Variants in ALDH5A1 observed in about 807,000 individuals in gnomAD.
ALDH5A1 encodes the protein succinate-semialdehyde dehydrogenase, mitochondrial.
Under a neutral mutation model 54.7 loss-of-function variants are expected in ALDH5A1, and 33 were observed. The ratio of observed to expected loss-of-function variants is 0.60; its 90% CI spans 0.46 to 0.81. The LOEUF is 0.81. Ranked by LOEUF, ALDH5A1 falls within the 30% of genes least tolerant of loss-of-function variation. The pLI, the probability that ALDH5A1 is intolerant of heterozygous loss-of-function variation, is 0.00. For missense variants in ALDH5A1, 657 were observed against 711.0 expected (o/e 0.92, Z 0.86); for synonymous variants, 294 against 292.7 (o/e 1.00, Z -0.05).
chr6:24,502,054 T>C (rs1026333986), intron 1 of ALDH5A1, among the ~76,000 whole-genome samples: 19 of 152,154 alleles, frequency 1.2e-4, no homozygotes, highest in African/African-American at 4.6e-4. Context: ...AGTCCCACCC[T>C]CTGCTGTCTG....
In ALDH5A1 at chr6:24,532,193, T is replaced by C. The variant is rs375703411; in HGVS notation, c.1402+16T>C. ...GGGTTAGCAGGTAGGTGTTTGTCCTTGTTCAATACCAGTCATAATCATTTT... is the reference window on the plus strand; with the variant it reads ...GGGTTAGCAGGTAGGTGTTTGTCCTCGTTCAATACCAGTCATAATCATTTT... On this transcript the variant is annotated intron_variant, in intron 9 of 9. Transcript: ENST00000357578. The C allele has an allele frequency of 1.9e-6, 3 of 1,612,410 alleles. No homozygotes were observed. Among genetic ancestry groups the C allele is most frequent in the Non-Finnish European group, 2.5e-6 (3 of 1,178,482 alleles).
intron 8 of ALDH5A1, among the ~76,000 whole-genome samples, chr6:24,531,541 C>G (rs867010921): frequency 2.6e-5 from 4 of 152,160 alleles, no homozygotes; most frequent in African/African-American, 9.7e-5. Flanking sequence ...ACTTTTTGCC[C>G]CAGTTACAAT....
intron 1 of ALDH5A1, among the ~76,000 whole-genome samples, chr6:24,499,252 A>C (rs1009174467): frequency 2.6e-5 from 4 of 152,068 alleles, no homozygotes; most frequent in Non-Finnish European, 5.9e-5. Flanking sequence ...AGATGGCGCC[A>C]CTGTACTCCA....
chr6:24,499,177 A>T (rs1454179578), intron 1 of ALDH5A1, among the ~76,000 whole-genome samples: 3 of 151,672 alleles, frequency 2.0e-5, no homozygotes, highest in Non-Finnish European at 4.4e-5. Flanking sequence ...AATCCCAGCT[A>T]CTCAAGAGGC....
chr6:24,495,138 G>T lies in ALDH5A1; in HGVS notation c.142G>T (p.Ala48Ser), dbSNP rs1188474690. The stretch of plus-strand genomic sequence containing the variant: ...CGGCCCGGCCCAGCTCCGCTGCTAC[G>T]CTGGGCGCCTGGCGGGCCTCTCTGC... Reference protein sequence around the residue: ...APGPAQLRCYAGRLAGLSAAL... With the variant: ...APGPAQLRCYSGRLAGLSAAL... Residue 48 changes from alanine (A) to serine (S), a missense_variant, in exon 1 of 10, where the codon GCT becomes TCT. Ala to Ser is a moderately conservative substitution (Grantham distance 99, BLOSUM62 1). This residue lies in a region of ALDH5A1 where 232 missense variants were observed against 194.6 expected (regional missense o/e 1.19). Coordinates refer to ENST00000357578, the MANE Select transcript of ALDH5A1 (RefSeq NM_001080.3). 5.7e-6 allele frequency: 8 copies of T among 1,411,398 alleles called. No homozygotes were observed. Among genetic ancestry groups the T allele is most frequent in the African/African-American group, 1.5e-5 (1 of 66,282 alleles). 87.4% of individuals were successfully genotyped at this position (1,411,398 alleles called of 1,614,324 possible).
chr6:24,522,689 C>T (rs1271472994), intron 6 of ALDH5A1, 78 bp from the exon 7 acceptor site: 9 of 1,534,698 alleles, frequency 5.9e-6, no homozygotes, highest in East Asian at 2.3e-5. Context: ...CACAGAGAGG[C>T]GGTAGCAGCC....
chr6:24,503,573 T>C (rs1759254570), intron 3 of ALDH5A1, 140 bp downstream of exon 3: 1 of 994,700 alleles, frequency 1.0e-6, no homozygotes, highest in African/African-American at 1.6e-5. Flanking sequence ...TTTTGCTGGA[T>C]GTGGAAGTGT....
rs1561876724 is a variant in ALDH5A1 at position 24,522,787 on chromosome 6, A to AT, written c.1037dup (p.Val348GlyfsTer7). On this transcript the variant is annotated frameshift_variant, in exon 7 of 10. Transcript: ENST00000357578. LOFTEE classifies it high-confidence loss of function. ...TCCAGACTTGTGTTTGCTCAAACCA[A>AT]TTCTTGGTGCAAAGGGGCATCCATG... 6.2e-7 allele frequency: 1 copy of AT among 1,614,010 alleles called. No homozygotes were observed. The highest frequency in any genetic ancestry group is 8.5e-7 in the Non-Finnish European group (1 of 1,179,972).
chr6:24,497,547 A>G (rs1251756011), intron 1 of ALDH5A1, among the ~76,000 whole-genome samples: 2 of 152,106 alleles, frequency 1.3e-5, no homozygotes, highest in Non-Finnish European at 2.9e-5. Context: ...TGGTTGGTGC[A>G]TTTTACAATC....
Position 24,506,651 on chromosome 6 carries a change from T to G in ALDH5A1, c.726+1666T>G, listed in dbSNP as rs556523062. 8.5e-5 allele frequency among the ~76,000 whole-genome samples: 13 copies of G among 152,330 alleles called. No homozygotes were observed. In the South Asian group the frequency reaches 2.5e-3, roughly 29 times the overall value. On this transcript the variant is annotated intron_variant, in intron 4 of 9. Coordinates refer to ENST00000357578, the MANE Select transcript of ALDH5A1 (RefSeq NM_001080.3). ...TTCTGAATATCAATTTTATTTGTTT[T>G]AAATATTAATTTTAATATCACCAAT... is the stretch of plus-strand genomic sequence containing the variant.
rs1220179788 is a variant in ALDH5A1 at position 24,522,885 on chromosome 6, C to A, written c.1133C>A (p.Thr378Asn). The change falls in exon 7 of 10, where the codon ACT becomes AAT. Residue 378 changes from threonine (T) to asparagine (N), a missense_variant. Thr to Asn is a moderately conservative substitution (Grantham distance 65). Transcript: ENST00000357578. The part of the protein sequence containing the change: ...LRVGNGFEEG[T>N]TQGPLINEKA... Reference sequence around the variant, plus strand: ...GTAGGTAATGGATTTGAGGAAGGAACTACTCAGGGCCCATTAATTAATGAA... The same window carrying A: ...GTAGGTAATGGATTTGAGGAAGGAAATACTCAGGGCCCATTAATTAATGAA... 1 of 1,613,830 alleles carries A rather than the reference C, an allele frequency of 6.2e-7. No homozygotes were observed. Among genetic ancestry groups the A allele is most frequent in the Non-Finnish European group, 8.5e-7 (1 of 1,179,986 alleles).
intron 9 of ALDH5A1, among the ~76,000 whole-genome samples, chr6:24,532,878 G>A (rs1759962587): frequency 6.6e-6 from 1 of 152,072 alleles, no homozygotes; most frequent in Middle Eastern, 3.2e-3. Context: ...GCACAAGGAC[G>A]TTTATAACAC....
chr6:24,516,753 CT>C (rs1759582704), intron 5 of ALDH5A1, among the ~76,000 whole-genome samples: 1 of 151,754 alleles, frequency 6.6e-6, no homozygotes, highest in Non-Finnish European at 1.5e-5. Flanking sequence ...TGGTGAAACC[CT>C]GTCTCTACAA....
At position 24,518,164 on chromosome 6, in the gene ALDH5A1, G is replaced by C. The variant is rs1759608992; in HGVS notation, c.871-2237G>C. Reference sequence around the variant, plus strand: ...AAGAGAGAGAGCTGTTTTGCTTTCTGTTTCTTTCTCTTTCTTTTGCCTATT... The same window carrying C: ...AAGAGAGAGAGCTGTTTTGCTTTCTCTTTCTTTCTCTTTCTTTTGCCTATT... On this transcript the variant is annotated intron_variant, in intron 5 of 9. Coordinates refer to ENST00000357578, the MANE Select transcript of ALDH5A1 (RefSeq NM_001080.3). The surrounding 1 kb of genome is among the most constrained non-coding windows in gnomAD (Gnocchi z 4.2). 6.6e-6 allele frequency among the ~76,000 whole-genome samples: 1 copy of C among 152,156 alleles called. No individual in the cohort carries two copies. The highest frequency in any genetic ancestry group is 2.4e-5 in the African/African-American group (1 of 41,420).
intron 4 of ALDH5A1, among the ~76,000 whole-genome samples, chr6:24,505,332 A>C (rs1282299346): frequency 6.6e-6 from 1 of 152,106 alleles, no homozygotes; most frequent in African/African-American, 2.4e-5. Flanking sequence ...ATTCCATTAG[A>C]TCTTATTCTT....
intron 5 of ALDH5A1, among the ~76,000 whole-genome samples, chr6:24,516,440 C>CAA (rs34722994): frequency 0.46 from 32,303 of 69,638 alleles, 6,474 homozygotes; most frequent in Non-Finnish European, 0.54. Context: ...GACTCTGTCT[C>CAA]AAAAAAAAAA....
At chr6:24,500,433 G>C (rs540231349) in intron 1 of ALDH5A1, among the ~76,000 whole-genome samples, 17 of 152,212 alleles carry the variant, frequency 1.1e-4, no homozygotes, top group Admixed American at 9.8e-4. Flanking sequence ...AAGGGCAAAT[G>C]CTGTATGATT....
In ALDH5A1 at chr6:24,502,554, A is replaced by G. The variant is rs764924628; in HGVS notation, c.386A>G (p.Asn129Ser). Residue 129 changes from asparagine to serine, a missense_variant, in exon 2 of 10, where the codon AAT becomes AGT. Physicochemically the swap from Asn to Ser is conservative, Grantham distance 46. Transcript: ENST00000357578. ...AGTTCATTACTTCGGAAGTGGTACAATTTAATGATACAAAATAAGGATGAC... is the reference window on the plus strand; with the variant it reads ...AGTTCATTACTTCGGAAGTGGTACAGTTTAATGATACAAAATAAGGATGAC... ...ERSSLLRKWY[N>S]LMIQNKDDLA... The G allele has an allele frequency of 3.1e-6, 5 of 1,613,704 alleles. No homozygotes were observed. The highest frequency in any genetic ancestry group is 4.2e-6 in the Non-Finnish European group (5 of 1,179,624).
At chr6:24,524,826 A>G (rs1343843973) in intron 7 of ALDH5A1, among the ~76,000 whole-genome samples, 1 of 152,122 alleles carries the variant, frequency 6.6e-6, no homozygotes, top group Non-Finnish European at 1.5e-5. Context: ...GCCTTTATCG[A>G]CTACAGTTGC....
Sources: allele counts gnomAD v4.1 joint callset (sites outside exome capture counted in the v4.1 genomes callset), GRCh38; gene constraint gnomAD v4.1.1; regional missense constraint gnomAD v4.1.1; non-coding constraint Gnocchi (gnomAD v3.1); transcripts MANE v1.5; gene names NCBI Gene and HGNC (gene_info 2026-07-23, HGNC 2026-07-21).